Variants in ELOVL2 observed in about 807,000 individuals in gnomAD.
ELOVL2 encodes the protein very long chain fatty acid elongase 2.
In ELOVL2, 38 loss-of-function variants were observed where a neutral mutation model predicts 37.7. The observed-to-expected ratio is 1.01, with a 90% CI of 0.78 to 1.32. The LOEUF (loss-of-function observed/expected upper bound fraction) is 1.32. Among genes scored for constraint, ELOVL2 ranks in the 40% most tolerant of loss-of-function variants. The pLI, the probability that ELOVL2 is intolerant of heterozygous loss-of-function variation, is 0.00. For synonymous variants in ELOVL2, 115 were observed against 122.3 expected (o/e 0.94, Z 0.40); for missense variants, 352 against 363.6 (o/e 0.97, Z 0.26).
intron 1 of ELOVL2, among the ~76,000 whole-genome samples, chr6:11,032,538 C>G (rs554026029): frequency 6.6e-6 from 1 of 152,180 alleles, no homozygotes; most frequent in Admixed American, 6.5e-5. Context: ...TTACAAAATA[C>G]AGTCATCCTC....
At chr6:10,989,092 T>C (rs933306194) in intron 7 of ELOVL2, among the ~76,000 whole-genome samples, 4 of 152,240 alleles carry the variant, frequency 2.6e-5, no homozygotes, top group African/African-American at 9.6e-5. Context: ...CAGACTTTGG[T>C]AGCATGGTAC....
Position 11,000,150 on chromosome 6 carries a change from A to G in ELOVL2, c.270T>C (p.Thr90=), listed in dbSNP as rs776136703. 7 of 1,614,038 alleles carry G rather than the reference A, an allele frequency of 4.3e-6. No individual in the cohort carries two copies. Among genetic ancestry groups the G allele is most frequent in the Non-Finnish European group, 5.1e-6 (6 of 1,180,000 alleles). Residue 90 remains threonine (T), a synonymous_variant, in exon 4 of 8, where the codon ACT becomes ACC. Coordinates refer to ENST00000354666, the MANE Select transcript of ELOVL2 (RefSeq NM_017770.4). The stretch of plus-strand genomic sequence containing the variant: ...ACTGTAAGTTGTAGCCTCCTTCCCA[A>G]GTGGAGAGAATGAGCTGCCAAAGAA... ...AYMLAELILS[T]WEGGYNLQCQ...
At chr6:11,021,217 C>A (rs540182551) in intron 1 of ELOVL2, among the ~76,000 whole-genome samples, 1 of 152,168 alleles carries the variant, frequency 6.6e-6, no homozygotes, top group Non-Finnish European at 1.5e-5. Context: ...CTGTTCTCTC[C>A]GCATGTGCCA....
At chr6:10,987,487 G>A (rs978496916) in intron 7 of ELOVL2, among the ~76,000 whole-genome samples, 1 of 152,124 alleles carries the variant, frequency 6.6e-6, no homozygotes, top group Non-Finnish European at 1.5e-5. Context: ...TGGGCATTTA[G>A]TACTATAAAT....
chr6:10,989,796 G>C lies in ELOVL2; in HGVS notation c.672C>G (p.Val224=), dbSNP rs146437011. ...CGAAGGGGAAGCCACACGGTTTCAC[G>C]ACGGCGCTCATGGTGTGCGTGATGG... ...VLTITHTMSA[V]VKPCGFPFGC... Residue 224 remains valine (V), a synonymous_variant, in exon 7 of 8, where the codon GTC becomes GTG. Coordinates refer to ENST00000354666, the MANE Select transcript of ELOVL2 (RefSeq NM_017770.4). 6.2e-7 allele frequency: 1 copy of C among 1,614,148 alleles called. No individual in the cohort carries two copies. The highest frequency in any genetic ancestry group is 8.5e-7 in the Non-Finnish European group (1 of 1,180,016).
intron 1 of ELOVL2, among the ~76,000 whole-genome samples, chr6:11,022,448 A>G (rs947943579): frequency 6.6e-6 from 1 of 152,234 alleles, no homozygotes; most frequent in Non-Finnish European, 1.5e-5. Context: ...TGAAAAAGAC[A>G]GACCAGAATC....
intron 1 of ELOVL2, among the ~76,000 whole-genome samples, chr6:11,028,647 G>C (rs1205905837): frequency 6.8e-6 from 1 of 147,894 alleles, no homozygotes; most frequent in African/African-American, 2.6e-5. Flanking sequence ...TGCCAGTTCA[G>C]AGTTGCCCCC....
chr6:10,985,089 T>C (rs558123218), intron 7 of ELOVL2, among the ~76,000 whole-genome samples: 1 of 152,310 alleles, frequency 6.6e-6, no homozygotes, highest in Admixed American at 6.5e-5. Context: ...CATTGTGGTT[T>C]GGATTTGTAT....
At chr6:10,988,123 C>T (rs1167686294) in intron 7 of ELOVL2, among the ~76,000 whole-genome samples, 1 of 152,236 alleles carries the variant, frequency 6.6e-6, no homozygotes, top group African/African-American at 2.4e-5. Context: ...TGCACACCCA[C>T]ACATAGCTTT....
intron 4 of ELOVL2, 36 bp downstream of exon 4, chr6:11,000,051 T>C (rs1261141783): frequency 2.5e-6 from 4 of 1,592,278 alleles, no homozygotes; most frequent in Non-Finnish European, 3.4e-6. Flanking sequence ...CAATGGGAAC[T>C]GGTTATAGTT....
chr6:11,040,530 A>C (rs1441187415), intron 1 of ELOVL2, among the ~76,000 whole-genome samples: 3 of 152,246 alleles, frequency 2.0e-5, no homozygotes, highest in African/African-American at 7.2e-5. Context: ...AACATTATTA[A>C]AACTAATTTC....
chr6:11,024,237 A>G (rs1782808447), intron 1 of ELOVL2, among the ~76,000 whole-genome samples: 1 of 152,242 alleles, frequency 6.6e-6, no homozygotes, highest in Admixed American at 6.5e-5. Flanking sequence ...AAATTATGTA[A>G]ATGTAAGCCT....
intron 1 of ELOVL2, among the ~76,000 whole-genome samples, chr6:11,029,611 A>G (rs1259399015): frequency 6.6e-6 from 1 of 152,206 alleles, no homozygotes; most frequent in Admixed American, 6.5e-5. Flanking sequence ...GTATAGCAGA[A>G]ATGTCCCTTC....
chr6:10,992,747 CACTGCACTCCAGCCTGGCGACAG>C (rs528607308), intron 5 of ELOVL2, among the ~76,000 whole-genome samples: 2 of 148,786 alleles, frequency 1.3e-5, no homozygotes, highest in East Asian at 4.0e-4. Flanking sequence ...GGGATTGTGC[CACTGCACTCCAGCCTGGCGACAG>C]GGCGGGACTC....
At chr6:10,989,969 T>C in intron 6 of ELOVL2, 132 bp from the exon 7 acceptor site, 1 of 1,020,188 alleles carries the variant, frequency 9.8e-7, no homozygotes, top group Non-Finnish European at 1.4e-6. Flanking sequence ...ACAAAGCTGC[T>C]GAAGCAGCCC....
chr6:10,993,925 T>C (rs1429157384), intron 5 of ELOVL2, among the ~76,000 whole-genome samples: 1 of 144,314 alleles, frequency 6.9e-6, no homozygotes, highest in Admixed American at 7.0e-5. Context: ...CAGGCTGGTC[T>C]TTAACTCCTG....
At chr6:11,008,963 G>A (rs1782525588) in intron 2 of ELOVL2, among the ~76,000 whole-genome samples, 1 of 152,210 alleles carries the variant, frequency 6.6e-6, no homozygotes, top group Non-Finnish European at 1.5e-5. Flanking sequence ...CAATAGGGCT[G>A]AGGAAATAAC....
intron 3 of ELOVL2, among the ~76,000 whole-genome samples, chr6:11,004,413 CCT>C (rs1308991963): frequency 1.4e-5 from 2 of 146,386 alleles, no homozygotes; most frequent in Non-Finnish European, 3.0e-5. Flanking sequence ...TCTCTTTGTC[CCT>C]CTTTTTTTTT....
chr6:10,986,185 T>C (rs1782049026), intron 7 of ELOVL2, among the ~76,000 whole-genome samples: 1 of 152,214 alleles, frequency 6.6e-6, no homozygotes, highest in Non-Finnish European at 1.5e-5. Flanking sequence ...TTGTGATTTT[T>C]TGTACATTGA....
Sources: allele counts gnomAD v4.1 joint callset (sites outside exome capture counted in the v4.1 genomes callset), GRCh38; gene constraint gnomAD v4.1.1; transcripts MANE v1.5; gene names NCBI Gene and HGNC (gene_info 2026-07-23, HGNC 2026-07-21).